Variants in OC90 observed in about 807,000 individuals in gnomAD.
OC90 encodes the protein otoconin-90.
OC90 carries 46 observed loss-of-function variants against 47.3 expected under a neutral mutation model. The observed-to-expected ratio is 0.97, with a 90% confidence interval of 0.77 to 1.24. The LOEUF is 1.24. Among genes scored for constraint, OC90 ranks in the 50% most tolerant of loss-of-function variants. The pLI is 0.00. For missense variants in OC90, 688 were observed against 583.9 expected, an observed-to-expected ratio of 1.18 and a Z score of -1.84; for synonymous variants, 271 against 219.5, an observed-to-expected ratio of 1.23 and a Z score of -2.07.
Position 132,037,506 on chromosome 8 carries a change from C to A in OC90, c.629-18G>T. On this transcript the variant is annotated intron_variant, in intron 8 of 13. Coordinates refer to ENST00000254627, the MANE Select transcript of OC90 (RefSeq NM_001080399.3). ...AGGAACCACTGGAAAAAGAGAGTTC[C>A]CAATAGCAGTGACTCATGCAACACA... 1 of 1,567,932 alleles carries A rather than the reference C, an allele frequency of 6.4e-7. No homozygotes were observed. Among genetic ancestry groups the A allele is most frequent in the East Asian group, 2.4e-5 (1 of 42,534 alleles).
At chr8:132,038,889 G>A (rs1823009062) in intron 7 of OC90, 58 bp from the exon 8 acceptor site, 1 of 1,603,332 alleles carries the variant, frequency 6.2e-7, no homozygotes, top group Non-Finnish European at 8.5e-7. Context: ...GGGAGGGTTT[G>A]AAGATGCTGG....
intron 3 of OC90, 143 bp from the exon 4 acceptor site, chr8:132,044,632 T>C: frequency 1.6e-6 from 1 of 617,064 alleles, no homozygotes; most frequent in Non-Finnish European, 2.9e-6. Context: ...AGCTTTCTAC[T>C]AACACAGGTT....
At chr8:132,025,941 G>C (rs931062919) in intron 13 of OC90, among the ~76,000 whole-genome samples, 1 of 152,150 alleles carries the variant, frequency 6.6e-6, no homozygotes, top group African/African-American at 2.4e-5. Flanking sequence ...TAGATTTGAT[G>C]GTTACTTCTT....
intron 6 of OC90, among the ~76,000 whole-genome samples, chr8:132,040,296 C>A (rs1333928527): frequency 6.6e-6 from 1 of 152,166 alleles, no homozygotes; most frequent in African/African-American, 2.4e-5. Flanking sequence ...ACAATGGCCC[C>A]TTTCTAAATA....
At chr8:132,037,721 C>T (rs572949518) in intron 8 of OC90, among the ~76,000 whole-genome samples, 2 of 152,350 alleles carry the variant, frequency 1.3e-5, no homozygotes, top group Admixed American at 1.3e-4. Flanking sequence ...ACAGCCACAG[C>T]TGGGTTCAGG....
chr8:132,032,182 T>C (rs1200996320), intron 11 of OC90, 130 bp from the exon 12 acceptor site: 1 of 770,768 alleles, frequency 1.3e-6, no homozygotes, highest in Non-Finnish European at 2.1e-6. Context: ...GTCTTACTCG[T>C]TGGCTCACCA....
intron 4 of OC90, among the ~76,000 whole-genome samples, chr8:132,042,862 T>C (rs1226753921): frequency 6.6e-6 from 1 of 152,166 alleles, no homozygotes; most frequent in African/African-American, 2.4e-5. Context: ...TTTGGAGATT[T>C]CTCAAATAAC....
intron 13 of OC90, among the ~76,000 whole-genome samples, chr8:132,027,415 G>A (rs984808804): frequency 2.0e-5 from 3 of 152,184 alleles, no homozygotes; most frequent in Admixed American, 2.0e-4. Context: ...AAGATAATAT[G>A]GCAGTCCATG....
chr8:132,039,632 C>T (rs1269737465), intron 6 of OC90, among the ~76,000 whole-genome samples: 1 of 152,114 alleles, frequency 6.6e-6, no homozygotes, highest in East Asian at 1.9e-4. Context: ...TCCCCTGACC[C>T]ACGACCCCTA....
Position 132,034,681 on chromosome 8 carries a change from G to A in OC90, c.733+100C>T, listed in dbSNP as rs147003177. The A allele has an allele frequency of 4.7e-4, 372 of 789,526 alleles. 2 individuals are homozygous for A. The highest frequency in any genetic ancestry group is 3.3e-3 in the African/African-American group (191 of 57,108). The allele number at this position is 789,526 out of a possible 1,614,324, so 48.9% of individuals were successfully genotyped here. A position where few individuals can be genotyped will look rare whatever the true frequency, so the allele number is the denominator to read the frequency against. On this transcript the variant is annotated intron_variant, in intron 10 of 13. Coordinates refer to ENST00000254627, the MANE Select transcript of OC90 (RefSeq NM_001080399.3). ...TCACCTCCCATGCTGACAAGGTCATGGTGCATTTCATTTGGAACCCAGTTG... is the reference window on the plus strand; with the variant it reads ...TCACCTCCCATGCTGACAAGGTCATAGTGCATTTCATTTGGAACCCAGTTG...
chr8:132,033,052 C>A lies in OC90; in HGVS notation c.846G>T (p.Glu282Asp). Residue 282 changes from glutamate (E) to aspartate (D), a missense_variant, in exon 11 of 14, where the codon GAG (glutamate) becomes GAT (aspartate). By Grantham distance (45) the Glu-to-Asp change is conservative. Coordinates refer to ENST00000254627, the MANE Select transcript of OC90 (RefSeq NM_001080399.3). The stretch of plus-strand genomic sequence containing the variant: ...GCTTCTGCTCACCTTTTTCAGTGGT[C>A]TCCTCAGGATCATTTTCAACAGATG... ...AVSSVENDPE[E>D]TTEKACDRFT... 1 of 1,609,622 alleles carries A rather than the reference C, an allele frequency of 6.2e-7. No homozygotes were observed.
intron 3 of OC90, 83 bp from the exon 4 acceptor site, chr8:132,044,572 A>G (rs1252091719): frequency 6.5e-6 from 5 of 769,848 alleles, no homozygotes; most frequent in Non-Finnish European, 1.1e-5. Flanking sequence ...TAAAGTGTAC[A>G]TAAAACCTTT....
rs1318335338 is a variant in OC90, at chr8:132,041,122, C to T, written c.379G>A (p.Ala127Thr). 1.2e-6 allele frequency: 2 copies of T among 1,613,834 alleles called. No individual in the cohort carries two copies. Among genetic ancestry groups the T allele is most frequent in the South Asian group, 1.1e-5 (1 of 91,074 alleles). Residue 127 changes from alanine (A) to threonine (T), a missense_variant, in exon 6 of 14, where the codon GCC becomes ACC. Physicochemically the swap from Ala to Thr is moderately conservative, Grantham distance 58. Coordinates refer to ENST00000254627, the MANE Select transcript of OC90 (RefSeq NM_001080399.3). ...CFQHRRCYEE[A>T]AEMDCLQDPA... ...TCTTGGAGACAGTCCATCTCAGCGG[C>T]CTCCTCATAGCACCTGCGGTGCTGG...
intron 7 of OC90, 29 bp downstream of exon 7, chr8:132,038,966 C>T: frequency 6.2e-7 from 1 of 1,613,712 alleles, no homozygotes; most frequent in Non-Finnish European, 8.5e-7. Context: ...TCCTCAGCCC[C>T]ACGGCTGATG....
At chr8:132,041,379 C>G (rs965653365) in intron 5 of OC90, 146 bp downstream of exon 5, 2 of 696,586 alleles carry the variant, frequency 2.9e-6, no homozygotes, top group South Asian at 3.8e-5. Flanking sequence ...AAAGATGAGT[C>G]ACCCAACTAG....
chr8:132,041,489 T>C (rs751212766), intron 5 of OC90, 36 bp downstream of exon 5: 65 of 1,567,256 alleles, frequency 4.1e-5, no homozygotes, highest in Middle Eastern at 3.5e-4. Flanking sequence ...ATGAGCTCAC[T>C]TTTTTTGGTC....
At chr8:132,036,757 C>G (rs1214965161) in intron 9 of OC90, among the ~76,000 whole-genome samples, 1 of 152,246 alleles carries the variant, frequency 6.6e-6, no homozygotes, top group Non-Finnish European at 1.5e-5. Context: ...CCACTCAGGT[C>G]TGTGTCTTAG....
intron 1 of OC90, among the ~76,000 whole-genome samples, chr8:132,057,893 C>T (rs1823296323): frequency 6.6e-6 from 1 of 152,258 alleles, no homozygotes; most frequent in African/African-American, 2.4e-5. Context: ...GAAGGGGGCG[C>T]TCTGGCAATG....
chr8:132,053,370 A>C (rs1228740649), intron 2 of OC90, among the ~76,000 whole-genome samples: 2 of 152,194 alleles, frequency 1.3e-5, no homozygotes, highest in African/African-American at 2.4e-5. Flanking sequence ...TATATAACAG[A>C]AACCACAAGT....
Sources: allele counts gnomAD v4.1 joint callset (sites outside exome capture counted in the v4.1 genomes callset), GRCh38; gene constraint gnomAD v4.1.1; transcripts MANE v1.5; gene names NCBI Gene and HGNC (gene_info 2026-07-23, HGNC 2026-07-21).